The following ADK variants were observed in gnomAD, a reference collection of about 807,000 sequenced individuals.
The protein encoded by ADK is adenosine kinase, also known as N6,N6-dimethyladenosine kinase.
Under a neutral mutation model 44.7 loss-of-function variants are expected in ADK, and 24 were observed. The observed-to-expected ratio is 0.54, with a 90% CI of 0.39 to 0.76. The LOEUF (loss-of-function observed/expected upper bound fraction) is 0.76. Among genes scored for constraint, ADK ranks in the 30% least tolerant of loss-of-function variants. ADK has a pLI of 0.00. For missense variants in ADK, 321 were observed against 425.1 expected (o/e 0.76, Z 2.15); for synonymous variants, 128 against 142.6 (o/e 0.90, Z 0.73).
chr10:74,252,942 T>C (rs1845698502), intron 3 of ADK, among the ~76,000 whole-genome samples: 1 of 152,194 alleles, frequency 6.6e-6, no homozygotes, highest in Admixed American at 6.5e-5. Flanking sequence ...AGAGGATACA[T>C]TTAGAGATAG....
chr10:74,574,178 T>G (rs1851088154), intron 7 of ADK, among the ~76,000 whole-genome samples: 1 of 151,088 alleles, frequency 6.6e-6, no homozygotes, highest in East Asian at 1.9e-4. Context: ...TTTTTTTTTT[T>G]TTTTTTTGAG....
chr10:74,491,606 T>A (rs1481437114), intron 6 of ADK, among the ~76,000 whole-genome samples: 1 of 152,170 alleles, frequency 6.6e-6, no homozygotes, highest in Non-Finnish European at 1.5e-5. Context: ...TAAAGAAAGC[T>A]GTAGTAATTT....
chr10:74,534,792 T>G (rs1849397223), intron 7 of ADK, among the ~76,000 whole-genome samples: 1 of 152,230 alleles, frequency 6.6e-6, no homozygotes, highest in Non-Finnish European at 1.5e-5. Context: ...ACATAATGAA[T>G]ATAGTACCAA....
intron 7 of ADK, among the ~76,000 whole-genome samples, chr10:74,534,039 A>G (rs185408011): frequency 5.3e-5 from 8 of 152,366 alleles, no homozygotes; most frequent in Non-Finnish European, 1.0e-4. Flanking sequence ...AGTACATTCT[A>G]TATGATTCTA....
chr10:74,256,007 G>A (rs146799592), intron 3 of ADK, among the ~76,000 whole-genome samples: 1 of 152,162 alleles, frequency 6.6e-6, no homozygotes, highest in African/African-American at 2.4e-5. Context: ...TGTTGAGGGA[G>A]TACAAAATCC....
rs574442030 is a variant in ADK, at chr10:74,293,422, T to A, written c.195-21245T>A. 2.7e-4 allele frequency among the ~76,000 whole-genome samples: 41 copies of A among 152,294 alleles called. No individual in the cohort carries two copies. The South Asian group carries it at 8.5e-3, about 32-fold the overall frequency. ...GGGTATCTATTAACATAATTTACGATGCTTCTCAGAGGGTTTCTGTTGTTC... is the reference window on the plus strand; with the variant it reads ...GGGTATCTATTAACATAATTTACGAAGCTTCTCAGAGGGTTTCTGTTGTTC... On this transcript the variant is annotated intron_variant, in intron 3 of 10. Transcript: ENST00000539909.
intron 1 of ADK, among the ~76,000 whole-genome samples, chr10:74,180,762 A>G (rs1842524004): frequency 6.6e-6 from 1 of 152,066 alleles, no homozygotes; most frequent in African/African-American, 2.4e-5. Context: ...CCGGCTGGCC[A>G]TGCTAGTCTT....
intron 6 of ADK, among the ~76,000 whole-genome samples, chr10:74,410,089 G>T (rs992782396): frequency 9.9e-5 from 15 of 152,216 alleles, no homozygotes; most frequent in African/African-American, 3.4e-4. Context: ...AATGTGGTTT[G>T]TGTCCATTGA....
intron 4 of ADK, among the ~76,000 whole-genome samples, chr10:74,386,604 A>T (rs1241683356): frequency 6.6e-6 from 1 of 152,018 alleles, no homozygotes; most frequent in East Asian, 1.9e-4. Flanking sequence ...TCTTATCATC[A>T]TACTCTTTGC....
At chr10:74,677,025 G>T (rs1159070967) in intron 10 of ADK, among the ~76,000 whole-genome samples, 2 of 152,078 alleles carry the variant, frequency 1.3e-5, no homozygotes, top group Non-Finnish European at 2.9e-5. Flanking sequence ...CAGGTGGACA[G>T]CTTGAGCTCG....
intron 3 of ADK, among the ~76,000 whole-genome samples, chr10:74,241,625 A>G (rs1353483708): frequency 6.6e-6 from 1 of 152,144 alleles, no homozygotes; most frequent in Non-Finnish European, 1.5e-5. Flanking sequence ...ACCTCAAGTG[A>G]TCCACCCGCC....
At chr10:74,216,218 A>G (rs982109293) in intron 2 of ADK, among the ~76,000 whole-genome samples, 2 of 152,174 alleles carry the variant, frequency 1.3e-5, no homozygotes, top group Non-Finnish European at 2.9e-5. Context: ...TTTCATGCAT[A>G]TTGATTACCC....
intron 6 of ADK, among the ~76,000 whole-genome samples, chr10:74,499,770 A>C (rs562263949): frequency 6.6e-6 from 1 of 152,258 alleles, no homozygotes; most frequent in African/African-American, 2.4e-5. Context: ...TTTCACTGTC[A>C]AGAAATTGGA....
At chr10:74,327,105 C>T (rs1841048158) in intron 4 of ADK, among the ~76,000 whole-genome samples, 1 of 151,586 alleles carries the variant, frequency 6.6e-6, no homozygotes, top group Admixed American at 6.6e-5. Context: ...TTTCTAGTCC[C>T]TTGAGGCGCA....
At chr10:74,240,242 T>C (rs1336603518) in intron 3 of ADK, among the ~76,000 whole-genome samples, 1 of 152,128 alleles carries the variant, frequency 6.6e-6, no homozygotes, top group Non-Finnish European at 1.5e-5. Flanking sequence ...GCACAGCATT[T>C]TGTTGTTGAT....
At chr10:74,645,931 G>T (rs565950108) in intron 9 of ADK, among the ~76,000 whole-genome samples, 2 of 152,242 alleles carry the variant, frequency 1.3e-5, no homozygotes, top group South Asian at 2.1e-4. Flanking sequence ...GAACCACCTA[G>T]AGCATCATGC....
At chr10:74,661,268 C>T in intron 9 of ADK, 1 of 952,146 alleles carries the variant, frequency 1.1e-6, no homozygotes. Context: ...CTATTTATTC[C>T]ATCATCACCT....
At chr10:74,472,806 A>G (rs1047279347) in intron 6 of ADK, among the ~76,000 whole-genome samples, 1 of 152,150 alleles carries the variant, frequency 6.6e-6, no homozygotes, top group Non-Finnish European at 1.5e-5. Flanking sequence ...TAAAGAACTG[A>G]TATGACAGTG....
At chr10:74,211,756 G>A (rs974564908) in intron 2 of ADK, among the ~76,000 whole-genome samples, 3 of 152,042 alleles carry the variant, frequency 2.0e-5, no homozygotes, top group Non-Finnish European at 2.9e-5. Flanking sequence ...TTTATTTCAT[G>A]TTAATTAAAT....
Sources: gnomAD v4.1 joint callset for allele counts (sites outside exome capture counted in the v4.1 genomes callset) on GRCh38, gnomAD v4.1.1 for gene constraint, MANE v1.5 for transcripts, NCBI Gene and HGNC (gene_info 2026-07-23, HGNC 2026-07-21) for gene names.